TOX: variants seen among roughly 807,000 people sequenced by gnomAD.
TOX encodes thymocyte selection associated high mobility group box, also known as thymocyte selection-associated high mobility group box protein TOX.
In TOX, 11 loss-of-function variants were observed where a neutral mutation model predicts 53.7. The observed-to-expected ratio is 0.20, with a 90% CI of 0.13 to 0.34. The LOEUF (loss-of-function observed/expected upper bound fraction) is 0.34. Ranked by LOEUF, TOX falls within the 10% of genes least tolerant of loss-of-function variation. The pLI is 1.00. For synonymous variants in TOX, 225 were observed against 245.3 expected (o/e 0.92, Z 0.77); for missense variants, 570 against 664.6 (o/e 0.86, Z 1.56).
intron 1 of TOX, among the ~76,000 whole-genome samples, chr8:59,025,084 G>A (rs4737532): frequency 0.78 from 118,185 of 151,960 alleles, 46,801 homozygotes; most frequent in Non-Finnish European, 0.86. Flanking sequence ...AGAGTGTAAA[G>A]TACAGTTAAC....
chr8:58,962,865 G>T (rs886886102), intron 1 of TOX, among the ~76,000 whole-genome samples: 1 of 152,120 alleles, frequency 6.6e-6, no homozygotes, highest in Non-Finnish European at 1.5e-5. Flanking sequence ...TAATTCTATA[G>T]GTCAACTTGA....
At chr8:58,893,894 AG>A in intron 3 of TOX, among the ~76,000 whole-genome samples, 1 of 152,376 alleles carries the variant, frequency 6.6e-6, no homozygotes, top group East Asian at 1.9e-4. Context: ...CTTAGTGAGC[AG>A]GTGAAAATGA....
At chr8:58,870,580 A>C (rs1445807525) in intron 3 of TOX, among the ~76,000 whole-genome samples, 2 of 152,154 alleles carry the variant, frequency 1.3e-5, no homozygotes, top group Admixed American at 1.3e-4. Flanking sequence ...TATAGCCAAC[A>C]CAGTACCAAA....
chr8:59,083,086 T>C (rs1235142702), intron 1 of TOX, among the ~76,000 whole-genome samples: 2 of 152,008 alleles, frequency 1.3e-5, no homozygotes, highest in African/African-American at 2.4e-5. Flanking sequence ...CTTTGTACCA[T>C]AAGGGACAAT....
chr8:59,042,482 A>C (rs1396935850), intron 1 of TOX, among the ~76,000 whole-genome samples: 3 of 152,216 alleles, frequency 2.0e-5, no homozygotes, highest in African/African-American at 7.2e-5. Flanking sequence ...AGAATAATTT[A>C]CTTCTTTATA....
intron 6 of TOX, among the ~76,000 whole-genome samples, chr8:58,817,887 A>G (rs1039442399): frequency 6.6e-6 from 1 of 152,214 alleles, no homozygotes; most frequent in Non-Finnish European, 1.5e-5. Context: ...ATTTCTATAT[A>G]TAACATATTA....
chr8:58,940,615 C>T, intron 2 of TOX, among the ~76,000 whole-genome samples: 1 of 152,084 alleles, frequency 6.6e-6, no homozygotes, highest in East Asian at 1.9e-4. Context: ...TAAGAGTGAG[C>T]CTTCATAGTG....
intron 1 of TOX, among the ~76,000 whole-genome samples, chr8:59,096,985 G>A (rs1278741548): frequency 1.3e-5 from 2 of 152,218 alleles, no homozygotes; most frequent in Admixed American, 6.5e-5. Flanking sequence ...AAACAGGATA[G>A]AGGGCAATCC....
rs191515797 is a variant in TOX at position 58,994,710 on chromosome 8, A to G, written c.103-34702T>C. On this transcript the variant is annotated intron_variant, in intron 1 of 8. Transcript: ENST00000361421. Reference sequence around the variant, plus strand: ...TCCTACTCTTTCAGAGATGGCCTGAAACTTGGTTGTTTCAAAGAAAGCTGT... The same window carrying G: ...TCCTACTCTTTCAGAGATGGCCTGAGACTTGGTTGTTTCAAAGAAAGCTGT... Among the ~76,000 whole-genome samples the G allele has an allele frequency of 1.1e-4, 16 of 152,298 alleles. No individual in the cohort carries two copies. The East Asian group carries it at 3.1e-3, about 29-fold the overall frequency.
chr8:59,108,116 TAA>T (rs927527323), intron 1 of TOX, among the ~76,000 whole-genome samples: 19 of 152,180 alleles, frequency 1.2e-4, no homozygotes, highest in African/African-American at 4.6e-4. Flanking sequence ...CTAAAAAACA[TAA>T]AAGACTTGCT....
intron 1 of TOX, among the ~76,000 whole-genome samples, chr8:59,018,738 A>C (rs1814062604): frequency 6.6e-6 from 1 of 152,082 alleles, no homozygotes; most frequent in Admixed American, 6.6e-5. Flanking sequence ...TGGACCTGAA[A>C]GTTTGAACTT....
rs1416687673 is a variant in TOX at position 58,838,137 on chromosome 8, C to T, written c.868G>A (p.Glu290Lys). 5 of 1,614,054 alleles carry T rather than the reference C, an allele frequency of 3.1e-6. No individual in the cohort carries two copies. The highest frequency in any genetic ancestry group is 2.5e-6 in the Non-Finnish European group (3 of 1,180,012). Residue 290 changes from glutamate to lysine, a missense_variant, in exon 5 of 9, where the codon GAA becomes AAA. By Grantham distance (56) the Glu-to-Lys change is moderately conservative. Transcript: ENST00000361421. ...ATTGAAGCCACAATTTTAGAGACTT[C>T]GCCAAAGGTAGCGTTTGGATTTTGG... The part of the protein sequence containing the change: ...KGQNPNATFG[E>K]VSKIVASMWD...
chr8:58,982,819 C>T (rs1331666402), intron 1 of TOX, among the ~76,000 whole-genome samples: 1 of 152,166 alleles, frequency 6.6e-6, no homozygotes, highest in Non-Finnish European at 1.5e-5. Flanking sequence ...GCCCTGGCTT[C>T]TCATTGACAA....
intron 4 of TOX, 46 bp from the exon 5 acceptor site, chr8:58,838,357 TG>T: frequency 6.6e-7 from 1 of 1,513,644 alleles, no homozygotes. Flanking sequence ...TGAGACAATT[TG>T]GGGACAAGAC....
At chr8:58,974,361 A>G (rs1442995215) in intron 1 of TOX, among the ~76,000 whole-genome samples, 1 of 152,184 alleles carries the variant, frequency 6.6e-6, no homozygotes, top group East Asian at 1.9e-4. Context: ...CATTTTTATG[A>G]CAAACTGTGA....
chr8:59,068,107 T>C (rs1192090045), intron 1 of TOX, among the ~76,000 whole-genome samples: 2 of 152,234 alleles, frequency 1.3e-5, no homozygotes, highest in Non-Finnish European at 2.9e-5. Context: ...ATTATGCTTA[T>C]CATGAATTTA....
At chr8:58,941,385 A>G (rs1812437172) in intron 2 of TOX, among the ~76,000 whole-genome samples, 1 of 152,246 alleles carries the variant, frequency 6.6e-6, no homozygotes, top group Non-Finnish European at 1.5e-5. Flanking sequence ...CTGAAGAGAA[A>G]ATTGAGACTC....
chr8:59,053,220 C>T (rs1308217674), intron 1 of TOX, among the ~76,000 whole-genome samples: 1 of 152,154 alleles, frequency 6.6e-6, no homozygotes, highest in Non-Finnish European at 1.5e-5. Flanking sequence ...CACCATTTTA[C>T]TCACTATTTT....
intron 1 of TOX, among the ~76,000 whole-genome samples, chr8:59,093,418 C>A (rs1804659750): frequency 6.6e-6 from 1 of 152,206 alleles, no homozygotes; most frequent in African/African-American, 2.4e-5. Context: ...TTAACATCCA[C>A]TGAATGATTA....
Sources: gnomAD v4.1 joint callset for allele counts (sites outside exome capture counted in the v4.1 genomes callset) on GRCh38, gnomAD v4.1.1 for gene constraint, MANE v1.5 for transcripts, NCBI Gene and HGNC (gene_info 2026-07-23, HGNC 2026-07-21) for gene names.